BRF1: variants seen among roughly 807,000 people sequenced by gnomAD.
BRF1 encodes BRF1 general transcription factor IIIB subunit, also known as transcription factor IIIB 90 kDa subunit.
BRF1 carries 59 observed loss-of-function variants against 81.7 expected under a neutral mutation model. The observed-to-expected ratio is 0.72, with a 90% CI of 0.59 to 0.90. The LOEUF is 0.90. Among genes scored for constraint, BRF1 ranks in the 40% least tolerant of loss-of-function variants. The pLI is 0.00. For synonymous variants in BRF1, 491 were observed against 395.6 expected (o/e 1.24, Z -2.86); for missense variants, 1,050 against 936.3 (o/e 1.12, Z -1.58).
At position 105,269,928 on chromosome 14, in the gene BRF1, G is replaced by A. The variant is rs752221030; in HGVS notation, c.439+2793C>T. The stretch of plus-strand genomic sequence containing the variant: ...ATGGGCTGACCCTGGGCTCTGCTCA[G>A]CTTCTCGCTCAGGACCTTGGTCTGC... On this transcript the variant is annotated intron_variant, in intron 3 of 17. Coordinates refer to ENST00000547530, the MANE Select transcript of BRF1 (RefSeq NM_001519.4). The surrounding 1 kb of genome is among the most constrained non-coding windows in gnomAD (Gnocchi z 5.0). Among the ~76,000 whole-genome samples the A allele has an allele frequency of 2.6e-5, 4 of 152,142 alleles. No homozygotes were observed. The highest frequency in any genetic ancestry group is 6.5e-5 in the Admixed American group (1 of 15,282).
At chr14:105,265,766 T>TG (rs894198232) in intron 3 of BRF1, among the ~76,000 whole-genome samples, 5 of 152,032 alleles carry the variant, frequency 3.3e-5, no homozygotes, top group African/African-American at 4.8e-5. Context: ...CCAGGTGTGG[T>TG]GGCGGGCACC....
In BRF1 at chr14:105,211,176, C is replaced by G; in HGVS notation, c.1942G>C (p.Asp648His). The stretch of plus-strand genomic sequence containing the variant: ...ACGCAGGGCTCCCCGTCCTCCTCGT[C>G]AGGCTCCTCCTCGTCAGCCTCCTCG... ...ADEEADEEEP[D>H]EEDGEPCVSA... Residue 648 changes from aspartate to histidine, a missense_variant, in exon 17 of 18, where the codon GAC (aspartate) becomes CAC (histidine). Physicochemically the swap from Asp to His is moderately conservative, Grantham distance 81. Transcript: ENST00000547530. The G allele has an allele frequency of 2.5e-6, 4 of 1,612,676 alleles. No individual in the cohort carries two copies. The highest frequency in any genetic ancestry group is 3.4e-6 in the Non-Finnish European group (4 of 1,179,934).
At chr14:105,302,323 C>T (rs2058063797), upstream of BRF1, among the ~76,000 whole-genome samples, 1 of 151,490 alleles carries the variant, frequency 6.6e-6, no homozygotes, top group Non-Finnish European at 1.5e-5. Context: ...CCTCTCTCAG[C>T]CTCCCGAGTA....
intron 15 of BRF1, chr14:105,212,563 CCCT>C: frequency 4.8e-6 from 1 of 210,460 alleles, no homozygotes; most frequent in Non-Finnish European, 9.6e-6. Flanking sequence ...CCAGGGCAAT[CCCT>C]ACATCTGCTG....
At chr14:105,229,471 G>T (rs79981810) in intron 6 of BRF1, among the ~76,000 whole-genome samples, 11,097 of 152,270 alleles carry the variant, frequency 0.073, 1,345 homozygotes, top group African/African-American at 0.25. Flanking sequence ...GTAAGGGCCC[G>T]GATGAGGAGT....
chr14:105,299,232 A>C (rs2057880517), intron 1 of BRF1, among the ~76,000 whole-genome samples: 1 of 152,076 alleles, frequency 6.6e-6, no homozygotes, highest in African/African-American at 2.4e-5. Context: ...TGTAACTACA[A>C]TCCACAAAGA....
chr14:105,252,969 G>A (rs2142190), intron 4 of BRF1, among the ~76,000 whole-genome samples: 31,181 of 152,184 alleles, frequency 0.2, 3,847 homozygotes, highest in Middle Eastern at 0.27. Context: ...ATTCCGATGG[G>A]CCCAGGGGTC....
At chr14:105,249,011 C>G (rs994567753) in intron 5 of BRF1, 11 of 1,090,684 alleles carry the variant, frequency 1.0e-5, no homozygotes, top group Non-Finnish European at 1.2e-5. Context: ...CGCCCGCGCC[C>G]GCGCCGCCCA....
intron 2 of BRF1, among the ~76,000 whole-genome samples, chr14:105,279,288 G>A (rs1246952613): frequency 6.6e-6 from 1 of 152,170 alleles, no homozygotes; most frequent in African/African-American, 2.4e-5. Context: ...GACGTGGGAG[G>A]AGGATTCGAA....
intron 3 of BRF1, among the ~76,000 whole-genome samples, chr14:105,258,725 G>A (rs1296101647): frequency 1.3e-5 from 2 of 151,700 alleles, no homozygotes; most frequent in Non-Finnish European, 2.9e-5. Context: ...CTTGAACCCA[G>A]GAAGCAGAAG....
chr14:105,298,401 C>T (rs1227762280), intron 1 of BRF1, among the ~76,000 whole-genome samples: 4 of 152,236 alleles, frequency 2.6e-5, no homozygotes, highest in African/African-American at 9.6e-5. Context: ...CAGGGCAGGA[C>T]ACAAGGCCCA....
At chr14:105,248,294 G>C in intron 5 of BRF1, 1 of 985,462 alleles carries the variant, frequency 1.0e-6, no homozygotes, top group Non-Finnish European at 1.2e-6. Context: ...CAAACAAGCA[G>C]GTCCACCTGC....
At chr14:105,314,752 C>G (rs1038948499) in intron 1 of BRF1, 3 of 151,090 alleles carry the variant, frequency 2.0e-5, no homozygotes, top group Admixed American at 6.8e-5. Context: ...GCGGCCGCAG[C>G]TCGTCGCCGC....
At chr14:105,252,244 G>T in intron 5 of BRF1, 1 of 469,038 alleles carries the variant, frequency 2.1e-6, no homozygotes, top group Non-Finnish European at 2.8e-6. Flanking sequence ...GGAGGCGAAG[G>T]CACGAGGATC....
chr14:105,282,467 A>C (rs757458914), intron 2 of BRF1, among the ~76,000 whole-genome samples: 97 of 152,218 alleles, frequency 6.4e-4, no homozygotes, highest in Non-Finnish European at 6.5e-4. Flanking sequence ...CAAACCTGGC[A>C]GGCTGGGTGG....
chr14:105,250,162 G>A (rs587748445), intron 5 of BRF1: 12 of 1,612,940 alleles, frequency 7.4e-6, no homozygotes, highest in African/African-American at 6.7e-5. Context: ...TGTGGTACAC[G>A]GCCACCAACA....
chr14:105,286,741 G>GA (rs372659695), intron 1 of BRF1, among the ~76,000 whole-genome samples: 68 of 152,300 alleles, frequency 4.5e-4, no homozygotes, highest in African/African-American at 1.6e-3. Flanking sequence ...AAGTAGCTGG[G>GA]ACTATAGGTG....
intron 2 of BRF1, among the ~76,000 whole-genome samples, chr14:105,278,816 G>A (rs1007551816): frequency 2.6e-5 from 4 of 152,008 alleles, no homozygotes; most frequent in African/African-American, 4.8e-5. Context: ...AGGCCGAGGC[G>A]GGCAGATCAC....
chr14:105,300,320 G>T, intron 1 of BRF1, 126 bp downstream of exon 1: 1 of 1,101,674 alleles, frequency 9.1e-7, no homozygotes, highest in Non-Finnish European at 1.2e-6. Flanking sequence ...CGCCCAGACG[G>T]CGCAGAACCG....
Sources: allele counts gnomAD v4.1 joint callset (sites outside exome capture counted in the v4.1 genomes callset), GRCh38; gene constraint gnomAD v4.1.1; non-coding constraint Gnocchi (gnomAD v3.1); transcripts MANE v1.5; gene names NCBI Gene and HGNC (gene_info 2026-07-23, HGNC 2026-07-21).